SVEP1: variants seen among roughly 807,000 people sequenced by gnomAD.
SVEP1 encodes the protein sushi, von Willebrand factor type A, EGF and pentraxin domain containing 1.
SVEP1 carries 164 observed loss-of-function variants against 367.3 expected under a neutral mutation model. The ratio of observed to expected loss-of-function variants is 0.45; its 90% CI spans 0.39 to 0.51. The LOEUF (loss-of-function observed/expected upper bound fraction) is 0.51, where lower values mean the gene tolerates loss of function less well. Among genes scored for constraint, SVEP1 ranks in the 20% least tolerant of loss-of-function variants. The pLI is 0.00. For synonymous variants in SVEP1, 1,666 were observed against 1,611.6 expected (o/e 1.03, Z -0.81); for missense variants, 4,117 against 4,425.3 (o/e 0.93, Z 1.98).
chr9:110,553,819 G>A (rs1830321635), intron 1 of SVEP1, among the ~76,000 whole-genome samples: 1 of 152,152 alleles, frequency 6.6e-6, no homozygotes, highest in African/African-American at 2.4e-5. Flanking sequence ...GGCCCATCGT[G>A]CAGCAATTCT....
At chr9:110,482,542 T>C in intron 10 of SVEP1, 50 bp from the exon 11 acceptor site, 1 of 1,545,220 alleles carries the variant, frequency 6.5e-7, no homozygotes. Context: ...CACAATATTT[T>C]TTTTGAAACA....
chr9:110,391,271 CTTTTTT>C (rs35309188), intron 40 of SVEP1, among the ~76,000 whole-genome samples: 2 of 125,244 alleles, frequency 1.6e-5, no homozygotes, highest in African/African-American at 2.9e-5. Context: ...TACTTTTTGT[CTTTTTT>C]TTTTTTTTTT....
chr9:110,434,555 G>A (rs1462271608), intron 29 of SVEP1, 49 bp from the exon 30 acceptor site: 12 of 1,543,738 alleles, frequency 7.8e-6, no homozygotes, highest in Non-Finnish European at 1.1e-5. Flanking sequence ...CATAGTGGTA[G>A]CATCACCAAG....
chr9:110,513,969 C>T lies in SVEP1; in HGVS notation c.1102G>A (p.Ala368Thr), dbSNP rs754818581. The stretch of plus-strand genomic sequence containing the variant: ...TCACGTTCACAGGTCTGGCCAGATG[C>T]CCTGTATCCCTCTCTGCAGACACAG... The part of the protein sequence containing the change: ...EDCVCREGYR[A>T]SGQTCELVHC... Residue 368 changes from alanine to threonine, a missense_variant, in exon 4 of 48, where the codon GCA (alanine) becomes ACA (threonine). Around this residue, in one of 4 missense-constraint regions of SVEP1, gnomAD observed 2,174 missense variants for 2,494.3 expected, o/e 0.87. Coordinates refer to ENST00000374469, the MANE Select transcript of SVEP1 (RefSeq NM_153366.4). The T allele has an allele frequency of 1.7e-5, 27 of 1,613,094 alleles. No homozygotes were observed. Among genetic ancestry groups the T allele is most frequent in the Middle Eastern group, 3.3e-4 (2 of 6,006 alleles).
chr9:110,492,116 C>T (rs9969802), intron 8 of SVEP1, among the ~76,000 whole-genome samples: 4,357 of 152,142 alleles, frequency 0.029, 201 homozygotes, highest in African/African-American at 0.1. Context: ...AAATATACCA[C>T]CTGTATATAC....
At chr9:110,413,963 C>T (rs1828081858) in intron 36 of SVEP1, among the ~76,000 whole-genome samples, 1 of 152,032 alleles carries the variant, frequency 6.6e-6, no homozygotes, top group Admixed American at 6.5e-5. Context: ...GTGGTTCAGA[C>T]AGGCTTAGAA....
At chr9:110,454,248 A>G (rs1005543473) in intron 22 of SVEP1, among the ~76,000 whole-genome samples, 2 of 152,096 alleles carry the variant, frequency 1.3e-5, no homozygotes, top group Admixed American at 1.3e-4. Context: ...TTTTTGTTGC[A>G]ATTGCTTTTG....
At chr9:110,537,191 T>G (rs767147831) in intron 3 of SVEP1, among the ~76,000 whole-genome samples, 10 of 151,872 alleles carry the variant, frequency 6.6e-5, no homozygotes, top group South Asian at 2.1e-4. Context: ...ACACAACTTA[T>G]TCAAGTCCCA....
Position 110,579,449 on chromosome 9 carries a change from A to T in SVEP1, c.95T>A (p.Phe32Tyr). ...GGGCGCGGTCTCGGGGAAGAGGCGG[A>T]AGCTGAAATTGCGCGACGGGGACAT... ...QQMSPSRNFS[F>Y]RLFPETAPGA... is the part of the protein sequence containing the mutation. The change falls in exon 1 of 48, where the codon TTC becomes TAC. Residue 32 changes from phenylalanine (F) to tyrosine (Y), a missense_variant. Transcript: ENST00000374469. The surrounding 1 kb of genome is among the most constrained non-coding windows in gnomAD (Gnocchi z 5.3). 6.3e-7 allele frequency: 1 copy of T among 1,598,224 alleles called. No individual in the cohort carries two copies.
At chr9:110,571,313 C>T (rs1367483195) in intron 1 of SVEP1, among the ~76,000 whole-genome samples, 2 of 152,122 alleles carry the variant, frequency 1.3e-5, no homozygotes, top group African/African-American at 2.4e-5. Context: ...AATAAAGCTC[C>T]ATAAAACTAA....
At chr9:110,430,765 C>G (rs1828338845) in intron 32 of SVEP1, among the ~76,000 whole-genome samples, 1 of 152,188 alleles carries the variant, frequency 6.6e-6, no homozygotes, top group Admixed American at 6.6e-5. Flanking sequence ...GCATTAGCCT[C>G]TTTCATCTGT....
intron 47 of SVEP1, among the ~76,000 whole-genome samples, chr9:110,368,274 C>T (rs1212362486): frequency 6.6e-6 from 1 of 152,104 alleles, no homozygotes; most frequent in African/African-American, 2.4e-5. Context: ...CATACAAGGT[C>T]CCTCTATTGT....
rs1205936050 is a variant in SVEP1, at chr9:110,379,339, T to C, written c.10408+8A>G. On this transcript the variant is annotated splice_region_variant and intron_variant, in intron 44 of 47. Transcript: ENST00000374469. ...CACTAAGAAATAACCATTCAAATAT[T>C]TCCTTACCTCTGCAAATAGGAGGTG... 2 of 1,612,812 alleles carry C rather than the reference T, an allele frequency of 1.2e-6. No homozygotes were observed. Among genetic ancestry groups the C allele is most frequent in the Non-Finnish European group, 1.7e-6 (2 of 1,179,398 alleles).
chr9:110,411,565 T>C lies in SVEP1; in HGVS notation c.6146A>G (p.Asp2049Gly), dbSNP rs532071348. The change falls in exon 37 of 48, where the codon GAT (aspartate) becomes GGT (glycine). Residue 2049 changes from aspartate (D) to glycine (G), a missense_variant. Physicochemically the swap from Asp to Gly is moderately conservative, Grantham distance 94. This residue lies in a region of SVEP1 where 2,174 missense variants were observed against 2,494.3 expected (regional missense o/e 0.87). Coordinates refer to ENST00000374469, the MANE Select transcript of SVEP1 (RefSeq NM_153366.4). Reference sequence around the variant, plus strand: ...GGAATTGTCTGCTAGGCTGTAACCATCAGAGCAGTAGTAGAATGCAATGTC... The same window carrying C: ...GGAATTGTCTGCTAGGCTGTAACCACCAGAGCAGTAGTAGAATGCAATGTC... The part of the protein sequence containing the change: ...FGDIAFYYCS[D>G]GYSLADNSQL... The C allele has an allele frequency of 8.1e-6, 13 of 1,613,958 alleles. No homozygotes were observed. The South Asian group carries it at 1.3e-4, about 16-fold the overall frequency.
At chr9:110,379,720 T>C (rs1273521494) in intron 43 of SVEP1, among the ~76,000 whole-genome samples, 1 of 152,216 alleles carries the variant, frequency 6.6e-6, no homozygotes, top group African/African-American at 2.4e-5. Context: ...AGGTTTTTTG[T>C]CTTCTGATTC....
At chr9:110,546,065 C>T (rs767011017) in intron 3 of SVEP1, 50 bp downstream of exon 3, 1 of 1,538,220 alleles carries the variant, frequency 6.5e-7, no homozygotes, top group African/African-American at 1.4e-5. Flanking sequence ...ATTTTAGAAT[C>T]ATTTGTTACA....
chr9:110,373,185 C>T (rs1280114791), intron 46 of SVEP1, among the ~76,000 whole-genome samples: 3 of 152,124 alleles, frequency 2.0e-5, no homozygotes, highest in Non-Finnish European at 2.9e-5. Context: ...TATAGATGAG[C>T]AGGAGAAACG....
intron 6 of SVEP1, among the ~76,000 whole-genome samples, chr9:110,500,416 T>C (rs1829514557): frequency 2.0e-5 from 3 of 152,200 alleles, no homozygotes; most frequent in Admixed American, 2.0e-4. Flanking sequence ...TTATTGTTTG[T>C]TTATGGTACT....
At chr9:110,453,061 T>C (rs931354819) in intron 22 of SVEP1, among the ~76,000 whole-genome samples, 6 of 152,230 alleles carry the variant, frequency 3.9e-5, no homozygotes, top group Admixed American at 1.3e-4. Context: ...AACATTTTTA[T>C]GTCTTTATGG....
Sources: gnomAD v4.1 joint callset for allele counts (sites outside exome capture counted in the v4.1 genomes callset) on GRCh38, gnomAD v4.1.1 for gene constraint, gnomAD v4.1.1 regional missense constraint, Gnocchi (gnomAD v3.1) non-coding constraint, MANE v1.5 for transcripts, NCBI Gene and HGNC (gene_info 2026-07-23, HGNC 2026-07-21) for gene names.